Variants in RBM39 observed in about 807,000 individuals in gnomAD.
The protein encoded by RBM39 is RNA-binding protein 39.
In RBM39, 12 loss-of-function variants were observed where a neutral mutation model predicts 79.6. The ratio of observed to expected loss-of-function variants is 0.15; its 90% confidence interval spans 0.10 to 0.24. RBM39 has a LOEUF of 0.24. Among genes scored for constraint, RBM39 ranks in the 10% least tolerant of loss-of-function variants. The probability of loss-of-function intolerance (pLI) is 1.00; values close to 1 mark genes in which losing one functional copy is unlikely to be tolerated. For missense variants in RBM39, 243 were observed against 653.4 expected (o/e 0.37, Z 6.85); for synonymous variants, 185 against 208.4 (o/e 0.89, Z 0.97).
At position 35,702,365 on chromosome 20, in the gene RBM39, G is replaced by C. The variant is rs73905938; in HGVS notation, c.*2116C>G. On this transcript the variant is annotated 3_prime_UTR_variant, in exon 17 of 17. Transcript: ENST00000253363. ...TCAGAATGAGCTGTTTTCTATGCAC[G>C]ACACTATTCAAGTTACTACACTCCA... 166 of 152,260 alleles carry C rather than the reference G, an allele frequency of 1.1e-3. No homozygotes were observed. Among genetic ancestry groups the C allele is most frequent in the African/African-American group, 3.9e-3 (163 of 41,548 alleles). 9.4% of individuals were successfully genotyped at this position (152,260 alleles called of 1,614,324 possible).
At chr20:35,728,291 T>C (rs1318027171) in intron 6 of RBM39, among the ~76,000 whole-genome samples, 2 of 152,166 alleles carry the variant, frequency 1.3e-5, no homozygotes, top group Non-Finnish European at 2.9e-5. Flanking sequence ...AGTGTAAAGT[T>C]TGATATAACT....
chr20:35,733,313 A>C (rs1411702536), intron 3 of RBM39, among the ~76,000 whole-genome samples: 1 of 151,562 alleles, frequency 6.6e-6, no homozygotes, highest in Non-Finnish European at 1.5e-5. Context: ...CAAAAAAAAA[A>C]AAAAAAACCC....
intron 3 of RBM39, chr20:35,732,618 C>G (rs1204768702): frequency 6.4e-6 from 1 of 156,868 alleles, no homozygotes; most frequent in African/African-American, 2.4e-5. Flanking sequence ...TACTGAAAAT[C>G]AGCAGACAAG....
At chr20:35,727,075 G>T (rs1339435852) in intron 6 of RBM39, among the ~76,000 whole-genome samples, 1 of 151,846 alleles carries the variant, frequency 6.6e-6, no homozygotes, top group Non-Finnish European at 1.5e-5. Context: ...TTACAGGCAT[G>T]AGCCACCACG....
intron 12 of RBM39, 82 bp from the exon 13 acceptor site, chr20:35,709,356 T>C: frequency 8.5e-7 from 1 of 1,179,110 alleles, no homozygotes; most frequent in Non-Finnish European, 1.2e-6. Flanking sequence ...AGGACTACAA[T>C]AGCAGGGTTC....
At chr20:35,709,341 A>G (rs2036124569) in intron 12 of RBM39, 67 bp from the exon 13 acceptor site, 1 of 1,333,988 alleles carries the variant, frequency 7.5e-7, no homozygotes, top group Non-Finnish European at 1.0e-6. Flanking sequence ...AAGCATTAAT[A>G]AAAGAGGACT....
intron 3 of RBM39, chr20:35,732,807 A>C (rs2039515397): frequency 6.6e-6 from 1 of 152,274 alleles, no homozygotes; most frequent in Non-Finnish European, 1.5e-5. Context: ...AAATAAATTA[A>C]TAAAACAAAC....
intron 1 of RBM39, 137 bp from the exon 2 acceptor site, chr20:35,741,024 A>ATTTTTATTTTTTTTTT: frequency 1.3e-5 from 1 of 76,914 alleles, no homozygotes; most frequent in East Asian, 3.1e-4. Flanking sequence ...GTGAGTAAAC[A>ATTTTTATTTTTTTTTT]TTTTTCTTTT....
At chr20:35,740,342 T>C (rs2040389286) in intron 2 of RBM39, 2 of 325,022 alleles carry the variant, frequency 6.2e-6, no homozygotes, top group Non-Finnish European at 1.2e-5. Context: ...CCATTTCTTC[T>C]TATAAGACTG....
chr20:35,730,585 C>T (rs1224516564), intron 4 of RBM39, among the ~76,000 whole-genome samples: 1 of 152,044 alleles, frequency 6.6e-6, no homozygotes, highest in African/African-American at 2.4e-5. Context: ...ATAAAATATT[C>T]TGAGTTACAG....
chr20:35,730,115 C>G (rs974304419), intron 4 of RBM39, among the ~76,000 whole-genome samples: 7 of 152,326 alleles, frequency 4.6e-5, no homozygotes, highest in Non-Finnish European at 7.3e-5. Context: ...ACTTAACACA[C>G]TACATACTTC....
At chr20:35,733,303 C>CAA (rs60205656) in intron 3 of RBM39, among the ~76,000 whole-genome samples, 1 of 136,288 alleles carries the variant, frequency 7.3e-6, no homozygotes. Flanking sequence ...AACACCATCT[C>CAA]AAAAAAAAAA....
At chr20:35,734,683 C>G in intron 3 of RBM39, 2 of 558,092 alleles carry the variant, frequency 3.6e-6, no homozygotes, top group Non-Finnish European at 5.5e-6. Flanking sequence ...TTTTTGTAAA[C>G]AAGTCCTCAC....
intron 12 of RBM39, among the ~76,000 whole-genome samples, chr20:35,712,803 T>C (rs992149130): frequency 6.6e-6 from 1 of 152,138 alleles, no homozygotes; most frequent in African/African-American, 2.4e-5. Flanking sequence ...GACTAAAAAC[T>C]GGGGTGCAGG....
intron 3 of RBM39, among the ~76,000 whole-genome samples, chr20:35,737,375 C>A (rs1167053154): frequency 8.1e-5 from 10 of 123,998 alleles, no homozygotes; most frequent in African/African-American, 3.2e-4. Context: ...GGGCAACAGA[C>A]TGAAACTCCA....
Position 35,709,208 on chromosome 20 carries a change from G to T in RBM39, c.1225+16C>A. The T allele has an allele frequency of 1.3e-6, 2 of 1,584,758 alleles. No homozygotes were observed. Among genetic ancestry groups the T allele is most frequent in the Non-Finnish European group, 1.7e-6 (2 of 1,165,116 alleles). ...TTTCAAAGACAAAAATAAAAAATAT[G>T]AACACTTCAACTCACCTTCAGTCTG... is the stretch of plus-strand genomic sequence containing the variant. On this transcript the variant is annotated intron_variant, in intron 13 of 16. Transcript: ENST00000253363.
At chr20:35,709,578 G>A (rs775486169) in intron 12 of RBM39, among the ~76,000 whole-genome samples, 85 of 152,070 alleles carry the variant, frequency 5.6e-4, no homozygotes, top group Non-Finnish European at 2.6e-4. Flanking sequence ...GAAGCACACC[G>A]GTCAGAAAAT....
At chr20:35,735,202 T>G in intron 3 of RBM39, 1 of 1,305,606 alleles carries the variant, frequency 7.7e-7, no homozygotes, top group Non-Finnish European at 9.9e-7. Context: ...TGAGTAATTC[T>G]CTAAAGAGCT....
intron 3 of RBM39, among the ~76,000 whole-genome samples, chr20:35,737,772 C>A (rs1366446981): frequency 6.8e-6 from 1 of 147,206 alleles, no homozygotes; most frequent in African/African-American, 2.5e-5. Context: ...TAGCATGAAC[C>A]CAGGAGGCGG....
Sources: allele counts gnomAD v4.1 joint callset (sites outside exome capture counted in the v4.1 genomes callset), GRCh38; gene constraint gnomAD v4.1.1; transcripts MANE v1.5; gene names NCBI Gene and HGNC (gene_info 2026-07-23, HGNC 2026-07-21).